The following NAALADL2 variants were observed in gnomAD, a reference collection of about 807,000 sequenced individuals.
The protein encoded by NAALADL2 is N-acetylated alpha-linked acidic dipeptidase like 2, also known as inactive N-acetylated-alpha-linked acidic dipeptidase-like protein 2.
Under a neutral mutation model 87.2 loss-of-function variants are expected in NAALADL2, and 76 were observed. That is an observed-to-expected ratio of 0.87 (90% confidence interval 0.72 to 1.05). NAALADL2 has a LOEUF of 1.05. Ranked by LOEUF, NAALADL2 falls within the 50% of genes least tolerant of loss-of-function variation. The probability of loss-of-function intolerance (pLI) is 0.00; values close to 1 mark genes in which losing one functional copy is unlikely to be tolerated. For missense variants in NAALADL2, 1,089 were observed against 945.8 expected (o/e 1.15, Z -1.99); for synonymous variants, 354 against 331.0 (o/e 1.07, Z -0.75).
intron 1 of NAALADL2, among the ~76,000 whole-genome samples, chr3:174,528,346 G>A (rs1022794557): frequency 6.6e-6 from 1 of 152,124 alleles, no homozygotes; most frequent in African/African-American, 2.4e-5. Flanking sequence ...TACAAATGTA[G>A]TCACCAGGCA....
chr3:174,649,089 A>G (rs1274426136), intron 2 of NAALADL2, among the ~76,000 whole-genome samples: 1 of 151,940 alleles, frequency 6.6e-6, no homozygotes, highest in African/African-American at 2.4e-5. Context: ...TCAGCCTCCC[A>G]AGTAGCTGGG....
chr3:175,183,942 G>A (rs1196212551), intron 2 of NAALADL2, among the ~76,000 whole-genome samples: 1 of 151,870 alleles, frequency 6.6e-6, no homozygotes, highest in Non-Finnish European at 1.5e-5. Context: ...TGCTGCTTTG[G>A]TCACTGTGCG....
At chr3:175,593,497 C>T (rs1449570697) in intron 10 of NAALADL2, among the ~76,000 whole-genome samples, 1 of 152,100 alleles carries the variant, frequency 6.6e-6, no homozygotes, top group Non-Finnish European at 1.5e-5. Flanking sequence ...TCCAAAGTCC[C>T]ACAAACTGAG....
intron 4 of NAALADL2, among the ~76,000 whole-genome samples, chr3:175,290,291 A>G (rs931504161): frequency 6.6e-6 from 1 of 152,244 alleles, no homozygotes; most frequent in African/African-American, 2.4e-5. Flanking sequence ...GAATGAATAA[A>G]CAATTTGTAG....
intron 2 of NAALADL2, among the ~76,000 whole-genome samples, chr3:175,110,638 A>G (rs541981867): frequency 6.6e-6 from 1 of 151,920 alleles, no homozygotes; most frequent in South Asian, 2.1e-4. Flanking sequence ...TGCTGATAGT[A>G]ATTTTCATTT....
chr3:174,512,487 C>T (rs1719664157), intron 1 of NAALADL2, among the ~76,000 whole-genome samples: 2 of 152,094 alleles, frequency 1.3e-5, no homozygotes, highest in South Asian at 4.2e-4. Flanking sequence ...AAATTGTTTG[C>T]TCTACAATTT....
At chr3:174,495,202 A>C (rs1718448006) in intron 1 of NAALADL2, among the ~76,000 whole-genome samples, 1 of 151,904 alleles carries the variant, frequency 6.6e-6, no homozygotes, top group Non-Finnish European at 1.5e-5. Context: ...GCCATTTTAG[A>C]ATAAATGAAG....
At chr3:175,134,527 C>A (rs1215927048) in intron 2 of NAALADL2, among the ~76,000 whole-genome samples, 1 of 152,144 alleles carries the variant, frequency 6.6e-6, no homozygotes, top group East Asian at 1.9e-4. Flanking sequence ...TGTGCATAAT[C>A]TCTAATTCTC....
At chr3:175,461,774 A>T (rs754621856) in intron 6 of NAALADL2, among the ~76,000 whole-genome samples, 33 of 152,348 alleles carry the variant, frequency 2.2e-4, no homozygotes, top group Middle Eastern at 3.4e-3. Context: ...TAAGGTAAAG[A>T]GTCTATAAAG....
intron 12 of NAALADL2, among the ~76,000 whole-genome samples, chr3:175,750,474 T>C (rs1746491278): frequency 6.6e-6 from 1 of 152,220 alleles, no homozygotes; most frequent in East Asian, 1.9e-4. Flanking sequence ...TCTTACAATA[T>C]CCAGCTCCAT....
At chr3:175,076,281 G>A (rs1349453387) in intron 1 of NAALADL2, among the ~76,000 whole-genome samples, 5 of 149,572 alleles carry the variant, frequency 3.3e-5, no homozygotes, top group Admixed American at 2.0e-4. Context: ...AGATGTGAAA[G>A]ACATGTTGGG....
At chr3:174,711,517 A>T (rs1730632001) in intron 2 of NAALADL2, among the ~76,000 whole-genome samples, 1 of 152,200 alleles carries the variant, frequency 6.6e-6, no homozygotes, top group Admixed American at 6.5e-5. Flanking sequence ...TATTTCAAAT[A>T]CTTGGCTCTG....
intron 13 of NAALADL2, among the ~76,000 whole-genome samples, chr3:175,769,980 C>T (rs75805083): frequency 0.046 from 6,021 of 131,036 alleles, 196 homozygotes; most frequent in Non-Finnish European, 0.059. Flanking sequence ...CAGGGTGCCT[C>T]ATGTTTTGTT....
chr3:174,506,291 C>T (rs993161615), intron 1 of NAALADL2, among the ~76,000 whole-genome samples: 6 of 151,664 alleles, frequency 4.0e-5, no homozygotes, highest in African/African-American at 1.5e-4. Flanking sequence ...AGTGATTCTC[C>T]TGTCTCAGCC....
rs986358808 is a variant in NAALADL2, at chr3:175,453,919, A to G, written c.1234+6547A>G. Reference sequence around the variant, plus strand: ...GAGATTATTTCTTCGGTGTTTATACATTCAAATATATCATACCTTCCGGAA... The same window carrying G: ...GAGATTATTTCTTCGGTGTTTATACGTTCAAATATATCATACCTTCCGGAA... On this transcript the variant is annotated intron_variant, in intron 6 of 13. Transcript: ENST00000454872. Among the ~76,000 whole-genome samples the G allele has an allele frequency of 3.9e-5, 6 of 152,142 alleles. No homozygotes were observed. In the East Asian group the frequency reaches 1.2e-3, roughly 29 times the overall value.
At chr3:175,155,797 C>T (rs935475591) in intron 2 of NAALADL2, among the ~76,000 whole-genome samples, 6 of 152,064 alleles carry the variant, frequency 3.9e-5, no homozygotes, top group East Asian at 3.9e-4. Context: ...TCATCCAAAG[C>T]GACTGAATCA....
At chr3:175,278,821 G>A (rs1470938493) in intron 4 of NAALADL2, among the ~76,000 whole-genome samples, 16 of 152,126 alleles carry the variant, frequency 1.1e-4, no homozygotes, top group Non-Finnish European at 1.9e-4. Context: ...TTGGAATCCA[G>A]GACTTGAAAA....
At chr3:175,524,293 A>ATATT (rs1295111129) in intron 9 of NAALADL2, among the ~76,000 whole-genome samples, 2 of 152,194 alleles carry the variant, frequency 1.3e-5, no homozygotes, top group Non-Finnish European at 2.9e-5. Flanking sequence ...TTTGGGCAGA[A>ATATT]TATTAGATTA....
intron 5 of NAALADL2, among the ~76,000 whole-genome samples, chr3:175,446,457 G>A (rs142278326): frequency 3.9e-5 from 6 of 152,266 alleles, no homozygotes; most frequent in African/African-American, 1.4e-4. Flanking sequence ...GGCCAGGCTA[G>A]TCTTGAAATC....
Sources: gnomAD v4.1 joint callset for allele counts (sites outside exome capture counted in the v4.1 genomes callset) on GRCh38, gnomAD v4.1.1 for gene constraint, MANE v1.5 for transcripts, NCBI Gene and HGNC (gene_info 2026-07-23, HGNC 2026-07-21) for gene names.